Variants in FAM216A observed in about 807,000 individuals in gnomAD.
The protein encoded by FAM216A is protein FAM216A.
FAM216A carries 26 observed loss-of-function variants against 37.6 expected under a neutral mutation model. The observed-to-expected ratio is 0.69, with a 90% confidence interval of 0.51 to 0.96. FAM216A has a LOEUF of 0.96. Ranked by LOEUF, FAM216A falls within the 40% of genes least tolerant of loss-of-function variation. The pLI is 0.00. For missense variants in FAM216A, 326 were observed against 339.3 expected, an observed-to-expected ratio of 0.96 and a Z score of 0.31; for synonymous variants, 110 against 121.7, an observed-to-expected ratio of 0.90 and a Z score of 0.64.
chr12:110,478,094 A>G (rs572713503), intron 2 of FAM216A, among the ~76,000 whole-genome samples: 1 of 152,210 alleles, frequency 6.6e-6, no homozygotes, highest in South Asian at 2.1e-4. Flanking sequence ...CCATTTTTCA[A>G]TTTATATATT....
chr12:110,468,709 C>T (rs2062656778), upstream of FAM216A: 1 of 1,510,354 alleles, frequency 6.6e-7, no homozygotes, highest in Non-Finnish European at 8.8e-7. Context: ...GACCGCAGCG[C>T]TCCTGCCCCT....
At chr12:110,476,137 CAAT>C (rs967562040) in intron 2 of FAM216A, among the ~76,000 whole-genome samples, 1 of 151,570 alleles carries the variant, frequency 6.6e-6, no homozygotes, top group Non-Finnish European at 1.5e-5. Flanking sequence ...TTTATTATTT[CAAT>C]AATATCCTTT....
intron 1 of FAM216A, 184 bp downstream of exon 1, chr12:110,469,202 C>A (rs2062663184): frequency 1.5e-6 from 1 of 650,830 alleles, no homozygotes; most frequent in South Asian, 4.0e-5. Context: ...GGGAGGACTG[C>A]CTCGCGGTTG....
rs1239882161 is a variant in FAM216A, at chr12:110,490,177, G to GTTAA, written c.*40_*41insTTAA. The GTTAA allele has an allele frequency of 4.1e-6, 4 of 974,850 alleles. No homozygotes were observed. Among genetic ancestry groups the GTTAA allele is most frequent in the Non-Finnish European group, 6.7e-6 (4 of 597,436 alleles). The allele number at this position is 974,850 out of a possible 1,614,324, so 60.4% of individuals were successfully genotyped here. ...GTATTGAATTCGTGCCAAAGGTGAG[G>GTTAA]GTAAGGGGTTGTGAGTTGTGTCCTG... On this transcript the variant is annotated 3_prime_UTR_variant, in exon 7 of 7. Coordinates refer to ENST00000377673, the MANE Select transcript of FAM216A (RefSeq NM_013300.3).
intron 6 of FAM216A, 27 bp downstream of exon 6, chr12:110,487,970 AT>A: frequency 1.5e-6 from 2 of 1,315,366 alleles, no homozygotes; most frequent in African/African-American, 1.5e-5. Flanking sequence ...AACAATATTC[AT>A]TTTTTAAGAT....
rs1003523495 is a variant in FAM216A at position 110,488,628 on chromosome 12, T to C, written c.703+685T>C. On this transcript the variant is annotated intron_variant, in intron 6 of 6. Coordinates refer to ENST00000377673, the MANE Select transcript of FAM216A (RefSeq NM_013300.3). ...TATTTTTGGATGAACATATTTTGTA[T>C]AGCATCTATTAGTTTACAAAGTGCT... Among the ~76,000 whole-genome samples the C allele has an allele frequency of 2.6e-5, 4 of 152,278 alleles. No individual in the cohort carries two copies. The South Asian group carries it at 6.2e-4, about 24-fold the overall frequency.
At chr12:110,485,322 G>A in intron 3 of FAM216A, 123 bp downstream of exon 3, 1 of 712,944 alleles carries the variant, frequency 1.4e-6, no homozygotes, top group Non-Finnish European at 2.3e-6. Context: ...CAGTATAATT[G>A]TCTAGGAGTC....
intron 1 of FAM216A, among the ~76,000 whole-genome samples, chr12:110,472,208 G>A (rs2062690599): frequency 6.6e-6 from 1 of 150,902 alleles, no homozygotes; most frequent in Non-Finnish European, 1.5e-5. Flanking sequence ...TCCAGCCTGG[G>A]CAACAGAGCA....
chr12:110,471,793 C>T (rs2062688212), intron 1 of FAM216A, among the ~76,000 whole-genome samples: 1 of 152,142 alleles, frequency 6.6e-6, no homozygotes, highest in South Asian at 2.1e-4. Flanking sequence ...TGGCGCCTGG[C>T]CCATGAACTC....
At chr12:110,476,881 G>T (rs951293971) in intron 2 of FAM216A, among the ~76,000 whole-genome samples, 1 of 151,702 alleles carries the variant, frequency 6.6e-6, no homozygotes, top group South Asian at 2.1e-4. Context: ...GTTTGAGACA[G>T]GTTCTCACCC....
chr12:110,489,034 A>C (rs2062793612), intron 6 of FAM216A, among the ~76,000 whole-genome samples: 1 of 152,200 alleles, frequency 6.6e-6, no homozygotes, highest in Non-Finnish European at 1.5e-5. Context: ...ACTCAGACAA[A>C]TCCAGACTTT....
chr12:110,488,364 T>C (rs1274112098), intron 6 of FAM216A, among the ~76,000 whole-genome samples: 2 of 149,226 alleles, frequency 1.3e-5, no homozygotes, highest in Non-Finnish European at 3.0e-5. Context: ...TGAGCTGAGA[T>C]TGCGCCACTG....
chr12:110,468,497 A>C, upstream of FAM216A: 1 of 1,537,198 alleles, frequency 6.5e-7, no homozygotes, highest in South Asian at 1.2e-5. Flanking sequence ...CAACAGATAA[A>C]GCTCCGCATC....
intron 3 of FAM216A, 103 bp downstream of exon 3, chr12:110,485,302 A>T: frequency 3.4e-5 from 32 of 952,814 alleles, no homozygotes; most frequent in Non-Finnish European, 4.8e-5. Context: ...TGCAGATGAC[A>T]AGGCATATGC....
chr12:110,483,957 T>C (rs1164593990), intron 2 of FAM216A, among the ~76,000 whole-genome samples: 1 of 152,072 alleles, frequency 6.6e-6, no homozygotes, highest in African/African-American at 2.4e-5. Flanking sequence ...TAATACAGAA[T>C]AGAATTTTAA....
At position 110,474,655 on chromosome 12, in the gene FAM216A, G is replaced by C. The variant is rs370607397; in HGVS notation, c.184+1537G>C. On this transcript the variant is annotated intron_variant, in intron 2 of 6. Transcript: ENST00000377673. ...TGCAGTGAGCTAAGATCATGCCACT[G>C]CACTTGAGCCTGGGCGACAGAGCGA... Among the ~76,000 whole-genome samples the C allele has an allele frequency of 2.4e-3, 305 of 129,048 alleles. 3 individuals carry two copies. The highest frequency in any genetic ancestry group is 0.018 in the South Asian group (72 of 3,934). The allele number at this position is 129,048 out of a possible 152,430, so 84.7% of individuals were successfully genotyped here.
Position 110,486,467 on chromosome 12 carries a change from C to G in FAM216A, c.436+13C>G. 6.2e-7 allele frequency: 1 copy of G among 1,609,196 alleles called. No individual in the cohort carries two copies. On this transcript the variant is annotated intron_variant, in intron 4 of 6. Transcript: ENST00000377673. ...TCACAAAAGCCAGGCAGGTGCACCT[C>G]CAGTTGTCTTTTCACTAGTTTTTAC... is the stretch of plus-strand genomic sequence containing the variant.
intron 2 of FAM216A, among the ~76,000 whole-genome samples, chr12:110,478,814 G>A (rs1304064694): frequency 6.6e-6 from 1 of 152,118 alleles, no homozygotes; most frequent in African/African-American, 2.4e-5. Flanking sequence ...GAGTCAATAC[G>A]TGAGTGTTGT....
chr12:110,481,833 A>C (rs2062748745), intron 2 of FAM216A, among the ~76,000 whole-genome samples: 1 of 152,144 alleles, frequency 6.6e-6, no homozygotes, highest in African/African-American at 2.4e-5. Flanking sequence ...AGGATTTCCA[A>C]AACAAAAAAC....
Sources: allele counts gnomAD v4.1 joint callset (sites outside exome capture counted in the v4.1 genomes callset), GRCh38; gene constraint gnomAD v4.1.1; transcripts MANE v1.5; gene names NCBI Gene and HGNC (gene_info 2026-07-23, HGNC 2026-07-21).